MKLN1: variants seen among roughly 807,000 people sequenced by gnomAD.
MKLN1 encodes the protein muskelin.
Under a neutral mutation model 99.0 loss-of-function variants are expected in MKLN1, and 18 were observed. The observed-to-expected ratio is 0.18, with a 90% CI of 0.13 to 0.27. The LOEUF is 0.27. Among genes scored for constraint, MKLN1 ranks in the 10% least tolerant of loss-of-function variants. The pLI is 1.00. For synonymous variants in MKLN1, 288 were observed against 293.2 expected (o/e 0.98, Z 0.18); for missense variants, 621 against 875.9 (o/e 0.71, Z 3.67).
At chr7:131,339,699 C>A (rs75032151) in intron 1 of MKLN1, among the ~76,000 whole-genome samples, 1,399 of 14,528 alleles carry the variant, frequency 0.096, 13 homozygotes, top group African/African-American at 0.22. Context: ...ACTCAGTCTC[C>A]AAAAAAAAAA....
At chr7:131,474,784 T>C (rs1221956965) in intron 16 of MKLN1, among the ~76,000 whole-genome samples, 1 of 152,190 alleles carries the variant, frequency 6.6e-6, no homozygotes, top group Non-Finnish European at 1.5e-5. Context: ...CTCACACTGT[T>C]GTAAAGAACT....
At chr7:131,381,365 G>A (rs564824073) in intron 2 of MKLN1, among the ~76,000 whole-genome samples, 54 of 152,272 alleles carry the variant, frequency 3.5e-4, no homozygotes, top group African/African-American at 1.3e-3. Context: ...AGGGAAGGGT[G>A]ATATTATATC....
intron 3 of MKLN1, among the ~76,000 whole-genome samples, chr7:131,388,125 C>T (rs901024698): frequency 2.6e-5 from 4 of 152,188 alleles, no homozygotes; most frequent in Admixed American, 6.5e-5. Context: ...CAAGATCGCA[C>T]CACTGCACTC....
At chr7:131,191,017 T>A (rs1172495620) in intron 2 of MKLN1, among the ~76,000 whole-genome samples, 3 of 152,186 alleles carry the variant, frequency 2.0e-5, no homozygotes, top group African/African-American at 7.2e-5. Context: ...TGCTCCCAGG[T>A]GACGCTGATG....
rs181747098 is a variant in MKLN1 at position 131,199,774 on chromosome 7, A to G, written c.-296-3083A>G. Among the ~76,000 whole-genome samples the G allele has an allele frequency of 6.5e-3, 983 of 152,266 alleles. 4 individuals are homozygous for G. The highest frequency in any genetic ancestry group is 0.011 in the Non-Finnish European group (716 of 68,010). On this transcript the variant is annotated intron_variant, in intron 2 of 7. Coordinates refer to the MKLN1 transcript ENST00000416992. ...AGTGGTGTGATCTCGACTCACTGCA[A>G]CATCTGCTGCCAGGGTTCAAGTGAT...
chr7:131,175,616 A>T (rs1454655353), intron 2 of MKLN1, among the ~76,000 whole-genome samples: 1 of 152,220 alleles, frequency 6.6e-6, no homozygotes, highest in African/African-American at 2.4e-5. Context: ...CAAAAATACA[A>T]ATAGGCCGGG....
At chr7:131,118,519 C>G (rs923038697) in intron 1 of MKLN1, among the ~76,000 whole-genome samples, 5 of 149,872 alleles carry the variant, frequency 3.3e-5, no homozygotes, top group Admixed American at 6.7e-5. Flanking sequence ...CGTCATTGCA[C>G]TCCAGCCTGA....
chr7:131,310,886 C>G (rs937085846), intron 3 of MKLN1: 3 of 151,908 alleles, frequency 2.0e-5, no homozygotes, highest in Non-Finnish European at 4.4e-5. Flanking sequence ...GAGAGAAAGG[C>G]AGATGTTTCA....
At chr7:131,398,092 C>T (rs938562506) in intron 5 of MKLN1, among the ~76,000 whole-genome samples, 2 of 152,130 alleles carry the variant, frequency 1.3e-5, no homozygotes, top group African/African-American at 4.8e-5. Context: ...TCTTCCTAAA[C>T]ACATTATTTT....
At chr7:131,114,605 A>G (rs1795246626) in intron 1 of MKLN1, among the ~76,000 whole-genome samples, 1 of 152,188 alleles carries the variant, frequency 6.6e-6, no homozygotes, top group African/African-American at 2.4e-5. Context: ...CAAAGGAGCC[A>G]GGGGAGGAAA....
At chr7:131,428,679 A>G (rs1037933616) in intron 8 of MKLN1, among the ~76,000 whole-genome samples, 2 of 152,216 alleles carry the variant, frequency 1.3e-5, no homozygotes, top group African/African-American at 4.8e-5. Flanking sequence ...TTCAAGGCCA[A>G]ACACAGAAAC....
At chr7:131,264,600 A>T (rs1210898090) in intron 3 of MKLN1, among the ~76,000 whole-genome samples, 1 of 152,208 alleles carries the variant, frequency 6.6e-6, no homozygotes, top group Non-Finnish European at 1.5e-5. Context: ...CACATCAGGT[A>T]AACTCTGCCC....
intron 7 of MKLN1, among the ~76,000 whole-genome samples, chr7:131,412,462 TAAA>T (rs1406094422): frequency 6.6e-6 from 1 of 152,204 alleles, no homozygotes; most frequent in Non-Finnish European, 1.5e-5. Context: ...ATAATTGTAA[TAAA>T]AATAAATATC....
Position 131,278,222 on chromosome 7 carries a change from G to A in MKLN1, c.-179+75248G>A, listed in dbSNP as rs148378694. Among the ~76,000 whole-genome samples the A allele has an allele frequency of 7.5e-3, 1,136 of 151,918 alleles. 15 individuals carry two copies. The highest frequency in any genetic ancestry group is 0.026 in the African/African-American group (1,075 of 41,464). Reference sequence around the variant, plus strand: ...CTGGCTAATTTTTGTATTTTTTGTAGAGACAGGGTTTTGCCATGTTGCCCA... The same window carrying A: ...CTGGCTAATTTTTGTATTTTTTGTAAAGACAGGGTTTTGCCATGTTGCCCA... On this transcript the variant is annotated intron_variant, in intron 3 of 7. Coordinates refer to the MKLN1 transcript ENST00000416992.
chr7:131,296,556 T>C (rs1231807212), intron 3 of MKLN1, among the ~76,000 whole-genome samples: 2 of 152,114 alleles, frequency 1.3e-5, no homozygotes, highest in Admixed American at 1.3e-4. Flanking sequence ...TGGGTTTGAA[T>C]TGCATGGGTC....
chr7:131,113,940 G>A (rs1351688246), intron 1 of MKLN1, among the ~76,000 whole-genome samples: 1 of 152,206 alleles, frequency 6.6e-6, no homozygotes, highest in Non-Finnish European at 1.5e-5. Flanking sequence ...CGTGAGAACA[G>A]CATGGAGGGA....
rs1304883088 is a variant in MKLN1, at chr7:131,414,645, G to T, written c.782G>T (p.Gly261Val). Residue 261 changes from glycine (G) to valine (V), a missense_variant and splice_region_variant, in exon 8 of 18, where the codon GGT becomes GTT. Gly to Val is a moderately radical substitution (Grantham distance 109). Transcript: ENST00000352689. ...AAAGAAACTATTATTTCTTCTAAAG[G>T]TGATGGGGAAGATAACCGTCCAGGA... is the stretch of plus-strand genomic sequence containing the variant. ...WSQIIPKSTK[G>V]DGEDNRPGMR... 3.1e-6 allele frequency: 5 copies of T among 1,601,262 alleles called. No homozygotes were observed. The highest frequency in any genetic ancestry group is 4.3e-6 in the Non-Finnish European group (5 of 1,170,838).
At chr7:131,389,086 G>A in intron 4 of MKLN1, 114 bp downstream of exon 4, 1 of 607,400 alleles carries the variant, frequency 1.6e-6, no homozygotes, top group Non-Finnish European at 2.8e-6. Context: ...CAATTTTATG[G>A]GAATATTGCT....
chr7:131,176,799 T>C lies in MKLN1; in HGVS notation c.-296-26058T>C, dbSNP rs952129360. Among the ~76,000 whole-genome samples the C allele has an allele frequency of 4.6e-5, 7 of 152,254 alleles. No individual in the cohort carries two copies. The East Asian group carries it at 1.3e-3, about 29-fold the overall frequency. On this transcript the variant is annotated intron_variant, in intron 2 of 7. Transcript: ENST00000416992. ...CTGTAGTAGACAGCCTTGTGTTCAC[T>C]GTTCAGTTGAGGCCCATTCGAGAAA...
Sources: gnomAD v4.1 joint callset for allele counts (sites outside exome capture counted in the v4.1 genomes callset) on GRCh38, gnomAD v4.1.1 for gene constraint, MANE v1.5 for transcripts, NCBI Gene and HGNC (gene_info 2026-07-23, HGNC 2026-07-21) for gene names.